FERMT1: variants seen among roughly 807,000 people sequenced by gnomAD.
The protein encoded by FERMT1 is fermitin family homolog 1.
A neutral mutation model predicts 85.3 loss-of-function variants in FERMT1; 60 were observed. The observed-to-expected ratio is 0.70, with a 90% CI of 0.57 to 0.87. The LOEUF is 0.87. Ranked by LOEUF, FERMT1 falls within the 40% of genes least tolerant of loss-of-function variation. The pLI is 0.00. For synonymous variants in FERMT1, 275 were observed against 301.1 expected, an observed-to-expected ratio of 0.91 and a Z score of 0.90; for missense variants, 701 against 818.9, an observed-to-expected ratio of 0.86 and a Z score of 1.76.
intron 12 of FERMT1, 51 bp downstream of exon 12, chr20:6,085,015 T>C: frequency 6.5e-7 from 1 of 1,529,044 alleles, no homozygotes; most frequent in Non-Finnish European, 9.1e-7. Flanking sequence ...TTTATTTCTG[T>C]TTGCATAAAG....
intron 6 of FERMT1, among the ~76,000 whole-genome samples, chr20:6,102,679 G>GAAAAAAAAAA (rs769578429): frequency 1.4e-4 from 7 of 50,742 alleles, no homozygotes; most frequent in African/African-American, 2.7e-4. Context: ...TGTGTCTCAA[G>GAAAAAAAAAA]AAAAAAAAAA....
chr20:6,075,250 A>G lies in FERMT1; in HGVS notation c.*1923T>C, dbSNP rs1255575263. 6.6e-6 allele frequency: 1 copy of G among 152,336 alleles called. No homozygotes were observed. The highest frequency in any genetic ancestry group is 1.5e-5 in the Non-Finnish European group (1 of 68,030). The allele number at this position is 152,336 out of a possible 1,614,324, so 9.4% of individuals were successfully genotyped here. A position where few individuals can be genotyped will look rare whatever the true frequency, so the allele number is the denominator to read the frequency against. On this transcript the variant is annotated 3_prime_UTR_variant, in exon 15 of 15. Transcript: ENST00000217289. Reference sequence around the variant, plus strand: ...AAGGTCTGGCTTTGGTAAATTAGGCAGAGATGTTCTCAGCAGCAAACAGGT... The same window carrying G: ...AAGGTCTGGCTTTGGTAAATTAGGCGGAGATGTTCTCAGCAGCAAACAGGT...
chr20:6,102,325 A>T (rs1294623441), intron 6 of FERMT1, among the ~76,000 whole-genome samples: 1 of 151,272 alleles, frequency 6.6e-6, no homozygotes, highest in African/African-American at 2.4e-5. Flanking sequence ...TTAGAAACAA[A>T]TTTTTTCCTT....
Position 6,119,518 on chromosome 20 carries a change from C to T in FERMT1, c.37G>A (p.Glu13Lys). Residue 13 changes from glutamate (E) to lysine (K), a missense_variant, in exon 2 of 15, where the codon GAG becomes AAG. By Grantham distance (56) the Glu-to-Lys change is moderately conservative. Coordinates refer to ENST00000217289, the MANE Select transcript of FERMT1 (RefSeq NM_017671.5). The stretch of plus-strand genomic sequence containing the variant: ...GGATGGTCAACGCGGACCACAAGCT[C>T]CCAGGAAGCAAATGTAAAGTCAGTG... ...SSTDFTFASW[E>K]LVVRVDHPNE... 1 of 1,614,162 alleles carries T rather than the reference C, an allele frequency of 6.2e-7. No homozygotes were observed. Among genetic ancestry groups the T allele is most frequent in the Non-Finnish European group, 8.5e-7 (1 of 1,180,028 alleles).
At chr20:6,117,997 T>A (rs1246730147) in intron 2 of FERMT1, among the ~76,000 whole-genome samples, 4 of 151,876 alleles carry the variant, frequency 2.6e-5, no homozygotes, top group Admixed American at 2.6e-4. Flanking sequence ...AGTAGAAGCA[T>A]AAATTGGCAC....
intron 9 of FERMT1, among the ~76,000 whole-genome samples, chr20:6,093,175 A>C (rs1440613895): frequency 6.6e-6 from 1 of 152,166 alleles, no homozygotes; most frequent in Non-Finnish European, 1.5e-5. Context: ...AGGGAAATGA[A>C]GGGCCTATTA....
chr20:6,094,862 A>G (rs1982459602), intron 9 of FERMT1, 77 bp downstream of exon 9: 1 of 867,028 alleles, frequency 1.2e-6, no homozygotes, highest in South Asian at 1.3e-5. Flanking sequence ...TCAGGGATAT[A>G]TAATTTAAAC....
chr20:6,089,105 T>G lies in FERMT1; in HGVS notation c.1140-16A>C. The stretch of plus-strand genomic sequence containing the variant: ...CTTCTTGGGCCTGCAAATTCAAAGA[T>G]AGTGAATGTTTAAACCACCACCCAG... On this transcript the variant is annotated splice_polypyrimidine_tract_variant and intron_variant, in intron 9 of 14. Coordinates refer to ENST00000217289, the MANE Select transcript of FERMT1 (RefSeq NM_017671.5). 1 of 1,609,294 alleles carries G rather than the reference T, an allele frequency of 6.2e-7. No homozygotes were observed. Among genetic ancestry groups the G allele is most frequent in the Non-Finnish European group, 8.5e-7 (1 of 1,176,718 alleles).
chr20:6,106,519 A>G (rs1277599809), intron 6 of FERMT1, among the ~76,000 whole-genome samples: 1 of 152,186 alleles, frequency 6.6e-6, no homozygotes, highest in Non-Finnish European at 1.5e-5. Flanking sequence ...GGGAGCATGC[A>G]ACACAGTGAC....
chr20:6,098,291 C>T (rs1244053770), intron 6 of FERMT1, among the ~76,000 whole-genome samples: 2 of 152,018 alleles, frequency 1.3e-5, no homozygotes, highest in African/African-American at 2.4e-5. Flanking sequence ...TGCTGATCTG[C>T]AAGCCCAGTG....
At chr20:6,099,024 A>G (rs143853066) in intron 6 of FERMT1, among the ~76,000 whole-genome samples, 16 of 152,378 alleles carry the variant, frequency 1.1e-4, no homozygotes, top group Non-Finnish European at 1.5e-4. Context: ...AGCAATATTC[A>G]TAATAGCCAA....
At chr20:6,107,745 G>T in intron 5 of FERMT1, 111 bp from the exon 6 acceptor site, 1 of 634,928 alleles carries the variant, frequency 1.6e-6, no homozygotes, top group Non-Finnish European at 2.9e-6. Context: ...AACAAAATCA[G>T]GGTATGTAAT....
At chr20:6,094,225 A>G (rs376964970) in intron 9 of FERMT1, 55 of 152,376 alleles carry the variant, frequency 3.6e-4, no homozygotes, top group African/African-American at 1.2e-3. Context: ...TCAACAAACC[A>G]TAAAGTGAAA....
chr20:6,102,939 G>T (rs1982700456), intron 6 of FERMT1, among the ~76,000 whole-genome samples: 1 of 152,048 alleles, frequency 6.6e-6, no homozygotes, highest in South Asian at 2.1e-4. Flanking sequence ...TTCTCTATTG[G>T]CCCAGGAGCA....
intron 4 of FERMT1, among the ~76,000 whole-genome samples, chr20:6,111,622 ACT>A (rs1982952341): frequency 6.6e-6 from 1 of 151,530 alleles, no homozygotes; most frequent in African/African-American, 2.4e-5. Flanking sequence ...ACAGAGCAAG[ACT>A]CTGTCTAAAA....
intron 14 of FERMT1, among the ~76,000 whole-genome samples, chr20:6,078,596 A>G (rs1280490417): frequency 1.3e-5 from 2 of 150,380 alleles, no homozygotes; most frequent in African/African-American, 4.9e-5. Context: ...AGTAGCTGAA[A>G]CTACAGGTGC....
chr20:6,085,968 A>G (rs6053897), intron 11 of FERMT1, among the ~76,000 whole-genome samples: 36,046 of 151,720 alleles, frequency 0.24, 4,970 homozygotes, highest in East Asian at 0.57. Context: ...GTGAAACCCC[A>G]TCTGTACTAA....
At chr20:6,083,328 T>G (rs917167772) in intron 13 of FERMT1, among the ~76,000 whole-genome samples, 2 of 152,162 alleles carry the variant, frequency 1.3e-5, no homozygotes, top group African/African-American at 4.8e-5. Context: ...ACAAGTCACT[T>G]AAGCTGTCTT....
At chr20:6,100,910 C>T (rs1053701804) in intron 6 of FERMT1, among the ~76,000 whole-genome samples, 27 of 152,180 alleles carry the variant, frequency 1.8e-4, no homozygotes, top group African/African-American at 6.0e-4. Context: ...TGATGTCCAT[C>T]ATATACACAG....
Sources: gnomAD v4.1 joint callset for allele counts (sites outside exome capture counted in the v4.1 genomes callset) on GRCh38, gnomAD v4.1.1 for gene constraint, MANE v1.5 for transcripts, NCBI Gene and HGNC (gene_info 2026-07-23, HGNC 2026-07-21) for gene names.